Variants in AFF1 observed in about 807,000 individuals in gnomAD.
AFF1 encodes the protein ALF transcription elongation factor 1, also known as AF4/FMR2 family member 1.
AFF1 carries 48 observed loss-of-function variants against 121.7 expected under a neutral mutation model. The observed-to-expected ratio is 0.39, with a 90% confidence interval of 0.31 to 0.50. The LOEUF (loss-of-function observed/expected upper bound fraction) is 0.50. Among genes scored for constraint, AFF1 ranks in the 20% least tolerant of loss-of-function variants. The pLI, the probability that AFF1 is intolerant of heterozygous loss-of-function variation, is 0.76. For missense variants in AFF1, 1,523 were observed against 1,511.7 expected, an observed-to-expected ratio of 1.01 and a Z score of -0.12; for synonymous variants, 613 against 563.0, an observed-to-expected ratio of 1.09 and a Z score of -1.26.
intron 2 of AFF1, among the ~76,000 whole-genome samples, chr4:86,969,887 A>AAAAAAAAAAAAAAAAAAAAAAAG (rs1722819989): frequency 6.7e-6 from 1 of 149,816 alleles, no homozygotes; most frequent in Non-Finnish European, 1.5e-5. Context: ...CTCAAAAAAA[A>AAAAAAAAAAAAAAAAAAAAAAAG]AAAAAAAAAA....
chr4:87,003,457 TTGCCCA>T (rs1325360239), intron 2 of AFF1, among the ~76,000 whole-genome samples: 2 of 152,192 alleles, frequency 1.3e-5, no homozygotes, highest in Non-Finnish European at 2.9e-5. Flanking sequence ...ACTTGCTATG[TTGCCCA>T]GGCTGGTGTC....
chr4:86,960,526 T>C (rs1722074265), intron 2 of AFF1, among the ~76,000 whole-genome samples: 1 of 152,196 alleles, frequency 6.6e-6, no homozygotes, highest in Non-Finnish European at 1.5e-5. Context: ...CCAAAGGCAG[T>C]GGTTTTAGAG....
intron 2 of AFF1, among the ~76,000 whole-genome samples, chr4:87,013,030 T>C (rs1726938926): frequency 1.2e-5 from 1 of 82,924 alleles, no homozygotes; most frequent in Non-Finnish European, 2.3e-5. Context: ...TGCTATCAAG[T>C]TCTTTTTTTT....
At chr4:87,039,723 A>G (rs1412709376) in intron 2 of AFF1, among the ~76,000 whole-genome samples, 1 of 152,180 alleles carries the variant, frequency 6.6e-6, no homozygotes, top group African/African-American at 2.4e-5. Flanking sequence ...GGACAGTAGT[A>G]TATGATCTGA....
chr4:87,011,078 CAAAAAA>C (rs10715968), intron 2 of AFF1, among the ~76,000 whole-genome samples: 2 of 70,776 alleles, frequency 2.8e-5, no homozygotes, highest in African/African-American at 4.9e-5. Context: ...GACTCCGTCT[CAAAAAA>C]AAAAAAAAAA....
At chr4:87,019,118 A>T (rs1396685744) in intron 2 of AFF1, among the ~76,000 whole-genome samples, 1 of 152,278 alleles carries the variant, frequency 6.6e-6, no homozygotes, top group Non-Finnish European at 1.5e-5. Flanking sequence ...AGCAAAGCCC[A>T]TGAAGGAAAA....
In AFF1 at chr4:87,114,875, G is replaced by T. The variant is rs1318635446; in HGVS notation, c.2042G>T (p.Ser681Ile). 1.9e-6 allele frequency: 3 copies of T among 1,613,844 alleles called. No homozygotes were observed. The highest frequency in any genetic ancestry group is 3.3e-5 in the Admixed American group (2 of 59,970). ...PPSSEKKKHKSSLPAPSKALS... is the reference protein window; with the variant it reads ...PPSSEKKKHKISLPAPSKALS... ...TCCAGTGAGAAGAAGAAGCACAAGA[G>T]CTCCCTCCCTGCCCCCTCTAAGGCT... is the stretch of plus-strand genomic sequence containing the variant. The change falls in exon 12 of 21, where the codon AGC becomes ATC. Residue 681 changes from serine (S) to isoleucine (I), a missense_variant. Coordinates refer to ENST00000395146, the MANE Select transcript of AFF1 (RefSeq NM_001166693.3).
chr4:86,951,647 G>A (rs554912791), intron 2 of AFF1, among the ~76,000 whole-genome samples: 11 of 103,152 alleles, frequency 1.1e-4, no homozygotes, highest in Admixed American at 4.7e-4. Flanking sequence ...TTTTTGAGAC[G>A]GAGTCTCCCT....
intron 4 of AFF1, among the ~76,000 whole-genome samples, chr4:87,048,758 T>G (rs567551636): frequency 2.0e-4 from 30 of 152,256 alleles, no homozygotes; most frequent in Non-Finnish European, 4.0e-4. Context: ...AGCTGAGTAC[T>G]TCCAGATGTC....
intron 2 of AFF1, among the ~76,000 whole-genome samples, chr4:87,035,041 C>A (rs1377873031): frequency 6.6e-6 from 1 of 152,158 alleles, no homozygotes; most frequent in Non-Finnish European, 1.5e-5. Flanking sequence ...TAAAGTCTAT[C>A]TAGTTTGGGT....
intron 2 of AFF1, among the ~76,000 whole-genome samples, chr4:86,994,642 C>G (rs1213723565): frequency 6.6e-6 from 1 of 152,198 alleles, no homozygotes; most frequent in Non-Finnish European, 1.5e-5. Flanking sequence ...AGCATCATGA[C>G]TTGATATGCA....
chr4:87,005,234 C>T (rs1234494386), intron 2 of AFF1, among the ~76,000 whole-genome samples: 3 of 152,236 alleles, frequency 2.0e-5, no homozygotes, highest in Non-Finnish European at 2.9e-5. Flanking sequence ...CTGCCTTAGC[C>T]TCCCAAAGTG....
chr4:87,115,609 C>CTTTT lies in AFF1; in HGVS notation c.2466+323_2466+326dup, dbSNP rs71660115. ...ATCTAGGGCCGCCCCCAACCCACCT[C>CTTTT]TTTTTTTTTTTTTTTTCCAAAGACA... On this transcript the variant is annotated intron_variant, in intron 12 of 20. Coordinates refer to ENST00000395146, the MANE Select transcript of AFF1 (RefSeq NM_001166693.3). Among the ~76,000 whole-genome samples the CTTTT allele has an allele frequency of 8.6e-4, 35 of 40,664 alleles. 3 individuals are homozygous for CTTTT. The highest frequency in any genetic ancestry group is 2.5e-3 in the African/African-American group (31 of 12,394). 26.7% of individuals were successfully genotyped at this position (40,664 alleles called of 152,430 possible). A position where few individuals can be genotyped will look rare whatever the true frequency, so the allele number is the denominator to read the frequency against.
intron 4 of AFF1, among the ~76,000 whole-genome samples, chr4:87,083,611 C>T (rs574998180): frequency 1.3e-5 from 2 of 152,186 alleles, no homozygotes; most frequent in East Asian, 1.9e-4. Flanking sequence ...TTATTTTGTA[C>T]ATCTCTTATT....
intron 2 of AFF1, among the ~76,000 whole-genome samples, chr4:87,029,993 T>TA (rs1728909732): frequency 6.6e-6 from 1 of 152,148 alleles, no homozygotes; most frequent in African/African-American, 2.4e-5. Context: ...ATGAGATAAT[T>TA]AGAGATAAGA....
At chr4:86,975,246 CTTTT>C (rs1222666777) in intron 2 of AFF1, among the ~76,000 whole-genome samples, 2 of 151,936 alleles carry the variant, frequency 1.3e-5, no homozygotes, top group African/African-American at 4.8e-5. Flanking sequence ...ACCTTAACCT[CTTTT>C]TTTGTTTGTT....
At chr4:87,076,454 A>C (rs766466293) in intron 4 of AFF1, among the ~76,000 whole-genome samples, 1 of 152,250 alleles carries the variant, frequency 6.6e-6, no homozygotes, top group Non-Finnish European at 1.5e-5. Flanking sequence ...TTTAAGGAAT[A>C]TCCAAAACCT....
At chr4:86,940,200 C>T (rs1400299171) in intron 1 of AFF1, among the ~76,000 whole-genome samples, 4 of 152,190 alleles carry the variant, frequency 2.6e-5, no homozygotes, top group Non-Finnish European at 5.9e-5. Flanking sequence ...TTACCCTACT[C>T]TCAAGCTAAC....
At chr4:87,017,328 T>G (rs1265358229) in intron 2 of AFF1, among the ~76,000 whole-genome samples, 1 of 152,098 alleles carries the variant, frequency 6.6e-6, no homozygotes, top group Non-Finnish European at 1.5e-5. Flanking sequence ...AATTTTGCAT[T>G]TGATTATTAG....
Sources: gnomAD v4.1 joint callset for allele counts (sites outside exome capture counted in the v4.1 genomes callset) on GRCh38, gnomAD v4.1.1 for gene constraint, MANE v1.5 for transcripts, NCBI Gene and HGNC (gene_info 2026-07-23, HGNC 2026-07-21) for gene names.